Variants in ATXN7L1 observed in about 807,000 individuals in gnomAD.
ATXN7L1 encodes ataxin-7-like protein 1.
A neutral mutation model predicts 70.8 loss-of-function variants in ATXN7L1; 15 were observed. That is an observed-to-expected ratio of 0.21 (90% CI 0.14 to 0.33). ATXN7L1 has a LOEUF of 0.33. Among genes scored for constraint, ATXN7L1 ranks in the 10% least tolerant of loss-of-function variants. The probability of loss-of-function intolerance (pLI) is 1.00; values close to 1 mark genes in which losing one functional copy is unlikely to be tolerated. For missense variants in ATXN7L1, 975 were observed against 1,097.1 expected, an observed-to-expected ratio of 0.89 and a Z score of 1.57; for synonymous variants, 440 against 445.1, an observed-to-expected ratio of 0.99 and a Z score of 0.14.
In ATXN7L1 at chr7:105,714,890, C is replaced by A. The variant is rs145111112; in HGVS notation, c.356-49602G>T. On this transcript the variant is annotated intron_variant, in intron 3 of 11. Coordinates refer to ENST00000419735, the MANE Select transcript of ATXN7L1 (RefSeq NM_020725.2). ...ATGTTGGCCAGGCTGATCTTGAACTCCTGACCTCAGGTGATCTGCCTGCCT... is the reference window on the plus strand; with the variant it reads ...ATGTTGGCCAGGCTGATCTTGAACTACTGACCTCAGGTGATCTGCCTGCCT... 8.8e-3 allele frequency among the ~76,000 whole-genome samples: 1,342 copies of A among 152,222 alleles called. 13 individuals are homozygous for A. Among genetic ancestry groups the A allele is most frequent in the Middle Eastern group, 0.041 (12 of 294 alleles).
At chr7:105,835,982 G>A (rs1239545959) in intron 2 of ATXN7L1, among the ~76,000 whole-genome samples, 2 of 151,992 alleles carry the variant, frequency 1.3e-5, no homozygotes, top group African/African-American at 2.4e-5. Flanking sequence ...AATGTGAGAG[G>A]GTAAAGAAGT....
intron 3 of ATXN7L1, chr7:105,679,109 C>T (rs557055473): frequency 5.6e-5 from 55 of 986,094 alleles, no homozygotes; most frequent in Admixed American, 3.1e-4. Context: ...CGCTGGGCAA[C>T]GCGACTCGTG....
intron 4 of ATXN7L1, among the ~76,000 whole-genome samples, chr7:105,654,041 T>G (rs761486645): frequency 1.3e-5 from 2 of 152,222 alleles, no homozygotes; most frequent in Non-Finnish European, 2.9e-5. Flanking sequence ...AGCTGCCTGA[T>G]GATGGGAACC....
intron 3 of ATXN7L1, among the ~76,000 whole-genome samples, chr7:105,691,139 G>A (rs754965316): frequency 1.3e-5 from 2 of 152,102 alleles, no homozygotes; most frequent in South Asian, 4.1e-4. Context: ...GCATGTTTTG[G>A]GTCACCAAAT....
chr7:105,702,825 C>T lies in ATXN7L1; in HGVS notation c.356-37537G>A, dbSNP rs146544933. On this transcript the variant is annotated intron_variant, in intron 3 of 11. Transcript: ENST00000419735. ...AGAAACCCCGTCTCTACTAAAAATA[C>T]AAAAAAATTGCCGCCGGGCGCAGTG... Among the ~76,000 whole-genome samples the T allele has an allele frequency of 7.2e-3, 1,091 of 151,616 alleles. 14 individuals are homozygous for T. Among genetic ancestry groups the T allele is most frequent in the African/African-American group, 0.025 (1,043 of 41,328 alleles).
At chr7:105,754,251 G>A (rs1479854584) in intron 3 of ATXN7L1, among the ~76,000 whole-genome samples, 1 of 152,160 alleles carries the variant, frequency 6.6e-6, no homozygotes, top group Non-Finnish European at 1.5e-5. Flanking sequence ...GTGGAGGAGA[G>A]GGGAAGGACA....
intron 4 of ATXN7L1, among the ~76,000 whole-genome samples, chr7:105,657,203 T>C (rs186101319): frequency 1.2e-3 from 184 of 152,306 alleles, no homozygotes; most frequent in Non-Finnish European, 2.1e-4. Context: ...CTTCCAGGTC[T>C]GTTTCCACCA....
At chr7:105,820,863 A>G (rs1213868258) in intron 2 of ATXN7L1, among the ~76,000 whole-genome samples, 1 of 151,892 alleles carries the variant, frequency 6.6e-6, no homozygotes, top group African/African-American at 2.4e-5. Flanking sequence ...AAAGTCTGGG[A>G]CCTACCCTCC....
chr7:105,793,530 C>T (rs1303307499), intron 2 of ATXN7L1, among the ~76,000 whole-genome samples: 1 of 152,188 alleles, frequency 6.6e-6, no homozygotes, highest in African/African-American at 2.4e-5. Context: ...CCTCTGACTG[C>T]AGAACTTCAT....
chr7:105,788,730 G>C, intron 2 of ATXN7L1, 22 bp from the exon 3 acceptor site: 1 of 1,568,730 alleles, frequency 6.4e-7, no homozygotes, highest in Non-Finnish European at 8.8e-7. Context: ...ATGAAAACAA[G>C]TGTGTTTTGA....
At chr7:105,662,143 C>T (rs1801814513) in intron 4 of ATXN7L1, among the ~76,000 whole-genome samples, 1 of 149,176 alleles carries the variant, frequency 6.7e-6, no homozygotes, top group East Asian at 2.0e-4. Flanking sequence ...TGCCCTGTTG[C>T]CCAGCCTGGA....
intron 3 of ATXN7L1, among the ~76,000 whole-genome samples, chr7:105,758,494 C>T (rs949557397): frequency 2.6e-5 from 4 of 152,190 alleles, no homozygotes; most frequent in South Asian, 2.1e-4. Flanking sequence ...TTTAGCCTCA[C>T]GTTTCTGGAC....
intron 2 of ATXN7L1, among the ~76,000 whole-genome samples, chr7:105,799,599 G>A (rs1020839676): frequency 6.6e-5 from 10 of 152,046 alleles, no homozygotes; most frequent in African/African-American, 9.7e-5. Context: ...AAGCAATTGC[G>A]ACATTTTTTT....
At chr7:105,708,286 G>T (rs1003541852) in intron 3 of ATXN7L1, among the ~76,000 whole-genome samples, 25 of 152,114 alleles carry the variant, frequency 1.6e-4, no homozygotes, top group African/African-American at 5.8e-4. Context: ...TAAAATGAAG[G>T]ATTATATTGA....
rs1335523611 is a variant in ATXN7L1, at chr7:105,776,055, GA to G, written c.355+12548del. Among the ~76,000 whole-genome samples the G allele has an allele frequency of 3.3e-5, 5 of 152,286 alleles. No homozygotes were observed. In the East Asian group the frequency reaches 9.6e-4, roughly 29 times the overall value. The stretch of plus-strand genomic sequence containing the variant: ...CTCTGCTTATGGCTCAGGATAGGGA[GA>G]ATTCCGAGATGACCTTTTGAATCAG... On this transcript the variant is annotated intron_variant, in intron 3 of 11. Coordinates refer to ENST00000419735, the MANE Select transcript of ATXN7L1 (RefSeq NM_020725.2).
intron 7 of ATXN7L1, among the ~76,000 whole-genome samples, chr7:105,636,596 G>A (rs372843628): frequency 3.3e-5 from 5 of 152,092 alleles, no homozygotes; most frequent in East Asian, 1.9e-4. Context: ...AGGAACAGTC[G>A]GAGCAGATCC....
At chr7:105,637,365 C>A (rs187816344) in intron 7 of ATXN7L1, among the ~76,000 whole-genome samples, 1 of 152,188 alleles carries the variant, frequency 6.6e-6, no homozygotes, top group Non-Finnish European at 1.5e-5. Flanking sequence ...CTATTTGCTA[C>A]CCGTTGAGAT....
intron 2 of ATXN7L1, among the ~76,000 whole-genome samples, chr7:105,829,940 G>A (rs1166922750): frequency 6.6e-6 from 1 of 152,194 alleles, no homozygotes; most frequent in African/African-American, 2.4e-5. Context: ...AGCTGTTGTG[G>A]GGCTCAAAGC....
intron 3 of ATXN7L1, among the ~76,000 whole-genome samples, chr7:105,717,490 T>C (rs1326967625): frequency 6.6e-6 from 1 of 152,246 alleles, no homozygotes; most frequent in Admixed American, 6.5e-5. Flanking sequence ...GTTATTCATA[T>C]TGGTTGCAAT....
Sources: gnomAD v4.1 joint callset for allele counts (sites outside exome capture counted in the v4.1 genomes callset) on GRCh38, gnomAD v4.1.1 for gene constraint, MANE v1.5 for transcripts, NCBI Gene and HGNC (gene_info 2026-07-23, HGNC 2026-07-21) for gene names.